The following ITFG1 variants were observed in gnomAD, a reference collection of about 807,000 sequenced individuals.
The protein encoded by ITFG1 is T-cell immunomodulatory protein.
A neutral mutation model predicts 81.8 loss-of-function variants in ITFG1; 34 were observed. The ratio of observed to expected loss-of-function variants is 0.42; its 90% CI spans 0.32 to 0.55. The LOEUF (loss-of-function observed/expected upper bound fraction) is 0.55, where lower values mean the gene tolerates loss of function less well. Ranked by LOEUF, ITFG1 falls within the 20% of genes least tolerant of loss-of-function variation. ITFG1 has a pLI of 0.17. For missense variants in ITFG1, 672 were observed against 755.4 expected (o/e 0.89, Z 1.29); for synonymous variants, 285 against 270.6 (o/e 1.05, Z -0.52).
At chr16:47,442,068 C>T (rs1257242999) in intron 5 of ITFG1, among the ~76,000 whole-genome samples, 1 of 152,118 alleles carries the variant, frequency 6.6e-6, no homozygotes, top group African/African-American at 2.4e-5. Flanking sequence ...CATGAGTGAA[C>T]TCCCATTCAC....
intron 10 of ITFG1, among the ~76,000 whole-genome samples, chr16:47,291,556 CCTT>C (rs1294157089): frequency 6.6e-6 from 1 of 152,182 alleles, no homozygotes; most frequent in African/African-American, 2.4e-5. Context: ...CTTCTCTTCA[CCTT>C]CTGGAATTCC....
intron 8 of ITFG1, among the ~76,000 whole-genome samples, chr16:47,363,719 CAT>C (rs1386992885): frequency 6.6e-6 from 1 of 152,146 alleles, no homozygotes; most frequent in Non-Finnish European, 1.5e-5. Context: ...ATTAAATTAA[CAT>C]ATTATTCTAG....
chr16:47,408,994 T>C (rs927245597), intron 6 of ITFG1, among the ~76,000 whole-genome samples: 1 of 152,132 alleles, frequency 6.6e-6, no homozygotes, highest in African/African-American at 2.4e-5. Flanking sequence ...TTAAATGTTA[T>C]GAAGTCTCTC....
chr16:47,222,444 C>T (rs1376237256), intron 13 of ITFG1, among the ~76,000 whole-genome samples: 4 of 142,518 alleles, frequency 2.8e-5, no homozygotes, highest in Admixed American at 1.4e-4. Context: ...GACGAAGTCT[C>T]GCTAGGTCGC....
chr16:47,222,395 T>C (rs1479172731), intron 13 of ITFG1, among the ~76,000 whole-genome samples: 2 of 151,594 alleles, frequency 1.3e-5, no homozygotes, highest in Non-Finnish European at 2.9e-5. Context: ...AGTTGAGTGG[T>C]TTTGAGTGAG....
intron 11 of ITFG1, among the ~76,000 whole-genome samples, chr16:47,259,928 T>C (rs1966186609): frequency 6.6e-6 from 1 of 151,890 alleles, no homozygotes; most frequent in South Asian, 2.1e-4. Flanking sequence ...TGTTATTTGT[T>C]GGCTGTAAAT....
At chr16:47,247,494 T>C (rs1423746358) in intron 12 of ITFG1, among the ~76,000 whole-genome samples, 1 of 152,192 alleles carries the variant, frequency 6.6e-6, no homozygotes, top group Non-Finnish European at 1.5e-5. Context: ...CTGACACCAA[T>C]GCTGGCTCAA....
intron 8 of ITFG1, among the ~76,000 whole-genome samples, chr16:47,339,368 G>A (rs1420303486): frequency 2.6e-5 from 4 of 152,110 alleles, no homozygotes; most frequent in South Asian, 2.1e-4. Flanking sequence ...AGGAACCTCC[G>A]AACTGTTCTC....
intron 13 of ITFG1, among the ~76,000 whole-genome samples, chr16:47,236,766 T>A (rs1330897802): frequency 6.6e-6 from 1 of 152,154 alleles, no homozygotes; most frequent in African/African-American, 2.4e-5. Flanking sequence ...TAAAAGTATA[T>A]GGGTTGGACC....
intron 8 of ITFG1, among the ~76,000 whole-genome samples, chr16:47,345,425 T>C (rs938660624): frequency 1.3e-5 from 2 of 151,972 alleles, no homozygotes; most frequent in African/African-American, 4.8e-5. Flanking sequence ...CTCAGCCTCC[T>C]GAGTAGCTGG....
At chr16:47,409,882 T>C (rs975188868) in intron 6 of ITFG1, among the ~76,000 whole-genome samples, 2 of 152,034 alleles carry the variant, frequency 1.3e-5, no homozygotes, top group African/African-American at 4.8e-5. Flanking sequence ...TAAAAAGTTA[T>C]ACAACAAGCT....
intron 5 of ITFG1, among the ~76,000 whole-genome samples, chr16:47,430,279 T>G (rs1969078421): frequency 6.6e-6 from 1 of 151,892 alleles, no homozygotes; most frequent in Non-Finnish European, 1.5e-5. Context: ...TTGGCCAGAC[T>G]GGTCTTGAAC....
chr16:47,373,854 T>G (rs1378380608), intron 7 of ITFG1, among the ~76,000 whole-genome samples: 3 of 152,244 alleles, frequency 2.0e-5, no homozygotes, highest in African/African-American at 7.2e-5. Context: ...GAGGTTTTTT[T>G]GGCAAATTAG....
chr16:47,250,214 CCTAT>C (rs1450893257), intron 12 of ITFG1, among the ~76,000 whole-genome samples: 1 of 152,114 alleles, frequency 6.6e-6, no homozygotes, highest in South Asian at 2.1e-4. Context: ...TTATTGATTA[CCTAT>C]CTTTCATTAA....
At chr16:47,350,314 T>TAGCA in intron 8 of ITFG1, among the ~76,000 whole-genome samples, 1 of 151,978 alleles carries the variant, frequency 6.6e-6, no homozygotes, top group Non-Finnish European at 1.5e-5. Flanking sequence ...GATAGACCAC[T>TAGCA]AGCAAGACTA....
At position 47,205,354 on chromosome 16, in the gene ITFG1, T is replaced by C. The variant is rs528794550; in HGVS notation, c.1453+13514A>G. 7.9e-5 allele frequency among the ~76,000 whole-genome samples: 12 copies of C among 152,212 alleles called. No homozygotes were observed. In the South Asian group the frequency reaches 2.1e-3, roughly 26 times the overall value. On this transcript the variant is annotated intron_variant, in intron 14 of 17. Coordinates refer to ENST00000320640, the MANE Select transcript of ITFG1 (RefSeq NM_030790.5). Reference sequence around the variant, plus strand: ...ATGCCTGCAGACATTGTCAAATGTCTCCCATGAGTCAAAATCACCCGATTG... The same window carrying C: ...ATGCCTGCAGACATTGTCAAATGTCCCCCATGAGTCAAAATCACCCGATTG...
intron 14 of ITFG1, among the ~76,000 whole-genome samples, chr16:47,214,093 A>C (rs1336152669): frequency 6.6e-6 from 1 of 152,218 alleles, no homozygotes; most frequent in Non-Finnish European, 1.5e-5. Flanking sequence ...GAATTGAATT[A>C]AATTATGAGA....
chr16:47,313,962 A>C, intron 8 of ITFG1, 139 bp from the exon 9 acceptor site: 1 of 505,104 alleles, frequency 2.0e-6, no homozygotes, highest in Non-Finnish European at 3.4e-6. Context: ...TTCAAAATGA[A>C]TATGATTTTA....
intron 2 of ITFG1, among the ~76,000 whole-genome samples, chr16:47,456,302 C>A (rs1969452106): frequency 6.6e-6 from 1 of 152,118 alleles, no homozygotes; most frequent in Admixed American, 6.5e-5. Context: ...AAAATTAAAA[C>A]AATTTACATT....
Sources: gnomAD v4.1 joint callset for allele counts (sites outside exome capture counted in the v4.1 genomes callset) on GRCh38, gnomAD v4.1.1 for gene constraint, MANE v1.5 for transcripts, NCBI Gene and HGNC (gene_info 2026-07-23, HGNC 2026-07-21) for gene names.